The following MTPAP variants were observed in gnomAD, a reference collection of about 807,000 sequenced individuals.
MTPAP encodes the protein poly(A) RNA polymerase, mitochondrial.
MTPAP carries 23 observed loss-of-function variants against 48.7 expected under a neutral mutation model. That is an observed-to-expected ratio of 0.47 (90% CI 0.34 to 0.67). MTPAP has a LOEUF of 0.67. Among genes scored for constraint, MTPAP ranks in the 30% least tolerant of loss-of-function variants. The pLI is 0.01. For synonymous variants in MTPAP, 257 were observed against 254.1 expected, an observed-to-expected ratio of 1.01 and a Z score of -0.11; for missense variants, 614 against 694.3, an observed-to-expected ratio of 0.88 and a Z score of 1.30.
intron 4 of MTPAP, among the ~76,000 whole-genome samples, chr10:30,334,260 G>A (rs1051005201): frequency 1.3e-5 from 2 of 152,192 alleles, no homozygotes; most frequent in Non-Finnish European, 2.9e-5. Flanking sequence ...CATTAGGAAT[G>A]AGTCGAGGAA....
intron 3 of MTPAP, among the ~76,000 whole-genome samples, chr10:30,339,143 C>T (rs1172965699): frequency 6.6e-6 from 1 of 151,028 alleles, no homozygotes; most frequent in African/African-American, 2.4e-5. Context: ...CAAAAACAAA[C>T]AAACAAAAAA....
chr10:30,334,531 C>T (rs112891611), intron 4 of MTPAP, among the ~76,000 whole-genome samples: 2,579 of 151,954 alleles, frequency 0.017, 65 homozygotes, highest in African/African-American at 0.052. Context: ...CGTGGTGGGG[C>T]GTGCCTGAAG....
intron 1 of MTPAP, chr10:30,348,879 C>A: frequency 1.7e-6 from 1 of 576,300 alleles, no homozygotes. Flanking sequence ...GAAGTCTAAA[C>A]AACTCCATTA....
chr10:30,330,182 T>C lies in MTPAP; in HGVS notation c.781-3547A>G, dbSNP rs187363125. Among the ~76,000 whole-genome samples the C allele has an allele frequency of 7.4e-4, 113 of 152,332 alleles. 1 individual carries two copies. Among genetic ancestry groups the C allele is most frequent in the Admixed American group, 2.9e-3 (44 of 15,296 alleles). On this transcript the variant is annotated intron_variant, in intron 4 of 8. Transcript: ENST00000263063. ...GCATTTTCTCTACTGATCTGTCATTTAGATATTTTTATATTAAAAGGACTA... is the reference window on the plus strand; with the variant it reads ...GCATTTTCTCTACTGATCTGTCATTCAGATATTTTTATATTAAAAGGACTA...
intron 1 of MTPAP, among the ~76,000 whole-genome samples, chr10:30,344,494 G>T (rs1288257549): frequency 2.6e-5 from 4 of 152,088 alleles, no homozygotes; most frequent in Non-Finnish European, 5.9e-5. Flanking sequence ...CATATTGAGG[G>T]CAGAGGCTAT....
chr10:30,348,982 G>A, intron 1 of MTPAP, 137 bp downstream of exon 1: 3 of 1,282,656 alleles, frequency 2.3e-6, no homozygotes, highest in Admixed American at 2.0e-5. Context: ...GAGATCAGAG[G>A]AGAGGAGAGG....
chr10:30,315,916 C>A, intron 8 of MTPAP, 47 bp downstream of exon 8: 1 of 1,458,188 alleles, frequency 6.9e-7, no homozygotes, highest in Non-Finnish European at 9.5e-7. Flanking sequence ...AATATTAGTA[C>A]AGTGGAAGAC....
chr10:30,323,807 G>A (rs1198482839), intron 5 of MTPAP, among the ~76,000 whole-genome samples: 1 of 152,212 alleles, frequency 6.6e-6, no homozygotes, highest in African/African-American at 2.4e-5. Context: ...ACTGTGCCCA[G>A]CCTAGAACTT....
chr10:30,320,715 A>T (rs924452272), intron 6 of MTPAP, among the ~76,000 whole-genome samples: 2 of 152,186 alleles, frequency 1.3e-5, no homozygotes, highest in African/African-American at 4.8e-5. Context: ...AAGCCTTCCC[A>T]GGCAGAGGAC....
At chr10:30,327,488 G>A (rs1196515080) in intron 4 of MTPAP, among the ~76,000 whole-genome samples, 4 of 146,988 alleles carry the variant, frequency 2.7e-5, no homozygotes, top group African/African-American at 1.0e-4. Flanking sequence ...AACTGAGCGA[G>A]ACTCCATTTC....
At chr10:30,341,099 T>C (rs990031412) in intron 2 of MTPAP, among the ~76,000 whole-genome samples, 7 of 151,664 alleles carry the variant, frequency 4.6e-5, no homozygotes, top group Non-Finnish European at 1.0e-4. Flanking sequence ...AGGACTGTAG[T>C]CCCAGCTACT....
chr10:30,346,514 TTTCCAAGCACTGTCACATACACACTC>T (rs1409526729), intron 1 of MTPAP, among the ~76,000 whole-genome samples: 1 of 152,178 alleles, frequency 6.6e-6, no homozygotes, highest in East Asian at 1.9e-4. Flanking sequence ...TCTTAATAGT[TTTCCAAGCACTGTCACATACACACTC>T]TTCTGAAATT....
intron 8 of MTPAP, 95 bp from the exon 9 acceptor site, chr10:30,314,066 C>T (rs1174953602): frequency 5.9e-6 from 8 of 1,352,872 alleles, no homozygotes; most frequent in Non-Finnish European, 7.2e-6. Context: ...ACACATAAAA[C>T]ACCAGCATTA....
intron 6 of MTPAP, among the ~76,000 whole-genome samples, chr10:30,320,566 A>G (rs571056674): frequency 6.6e-6 from 1 of 152,280 alleles, no homozygotes; most frequent in African/African-American, 2.4e-5. Context: ...AATAGTGACC[A>G]TTTTTAAAAA....
chr10:30,322,774 TA>T (rs1840739966), intron 5 of MTPAP, among the ~76,000 whole-genome samples, 157 bp from the exon 6 acceptor site: 1 of 152,110 alleles, frequency 6.6e-6, no homozygotes, highest in African/African-American at 2.4e-5. Context: ...ATTTGCAATA[TA>T]AAATTTAATA....
At chr10:30,339,989 C>T (rs1834779385) in intron 3 of MTPAP, 2 of 538,594 alleles carry the variant, frequency 3.7e-6, no homozygotes, top group Admixed American at 6.2e-5. Context: ...CAAAACTCAA[C>T]ATCTACTCAA....
At chr10:30,336,111 CA>C (rs1834727949) in intron 4 of MTPAP, among the ~76,000 whole-genome samples, 1 of 152,036 alleles carries the variant, frequency 6.6e-6, no homozygotes, top group Admixed American at 6.6e-5. Flanking sequence ...TCAGCAGTAA[CA>C]ATAAACATAT....
intron 4 of MTPAP, among the ~76,000 whole-genome samples, chr10:30,336,581 A>AT (rs1290774211): frequency 6.6e-6 from 1 of 152,226 alleles, no homozygotes; most frequent in Non-Finnish European, 1.5e-5. Flanking sequence ...ACAATTAACT[A>AT]TTTGATTGCA....
rs533311730 is a variant in MTPAP, at chr10:30,324,840, A to G, written c.992+1584T>C. On this transcript the variant is annotated intron_variant, in intron 5 of 8. Coordinates refer to ENST00000263063, the MANE Select transcript of MTPAP (RefSeq NM_018109.4). ...AACATGATGAAACCCTGTCTCTACA[A>G]AAATTAGCCAGCATGATCACATGTG... Among the ~76,000 whole-genome samples, 116 of 152,248 alleles carry G rather than the reference A, an allele frequency of 7.6e-4. No homozygotes were observed. In the Middle Eastern group the frequency reaches 0.01, roughly 13 times the overall value.
Sources: allele counts gnomAD v4.1 joint callset (sites outside exome capture counted in the v4.1 genomes callset), GRCh38; gene constraint gnomAD v4.1.1; transcripts MANE v1.5; gene names NCBI Gene and HGNC (gene_info 2026-07-23, HGNC 2026-07-21).